Variants in AAGAB observed in about 807,000 individuals in gnomAD.
The protein encoded by AAGAB is alpha- and gamma-adaptin-binding protein p34.
In AAGAB, 38 loss-of-function variants were observed where a neutral mutation model predicts 44.1. That is an observed-to-expected ratio of 0.86 (90% CI 0.67 to 1.13). The LOEUF is 1.13. AAGAB is among the 50% of genes most tolerant of loss of function. The pLI, the probability that AAGAB is intolerant of heterozygous loss-of-function variation, is 0.00. For missense variants in AAGAB, 450 were observed against 373.8 expected, an observed-to-expected ratio of 1.20 and a Z score of -1.68; for synonymous variants, 131 against 131.8, an observed-to-expected ratio of 0.99 and a Z score of 0.04.
In AAGAB at chr15:67,236,718, T is replaced by C. The variant is rs148784657; in HGVS notation, c.176A>G (p.Asn59Ser). The change falls in exon 2 of 10, where the codon AAT (asparagine) becomes AGT (serine). Residue 59 changes from asparagine to serine, a missense_variant. Physicochemically the swap from Asn to Ser is conservative, Grantham distance 46. Transcript: ENST00000261880. ...IDNKYYSADI[N>S]LCVVPNKFLV... ...AAATTTGTTTGGCACCACACATAGA[T>C]TGATGTCTGCTGAATAGTATTTATT... 26 of 1,613,840 alleles carry C rather than the reference T, an allele frequency of 1.6e-5. No homozygotes were observed. Among genetic ancestry groups the C allele is most frequent in the East Asian group, 8.9e-5 (4 of 44,868 alleles).
chr15:67,241,569 C>G (rs1964600944), intron 1 of AAGAB, among the ~76,000 whole-genome samples: 1 of 152,044 alleles, frequency 6.6e-6, no homozygotes, highest in Non-Finnish European at 1.5e-5. Context: ...ATAGACAGCA[C>G]AGACCTGGGG....
At chr15:67,232,127 G>A (rs958139186) in intron 4 of AAGAB, among the ~76,000 whole-genome samples, 2 of 151,826 alleles carry the variant, frequency 1.3e-5, no homozygotes, top group Non-Finnish European at 2.9e-5. Flanking sequence ...GGTGGCGCAT[G>A]CATGTAATTC....
At chr15:67,236,276 T>C (rs1964461916) in intron 3 of AAGAB, 132 bp downstream of exon 3, 1 of 979,978 alleles carries the variant, frequency 1.0e-6, no homozygotes. Context: ...CAAAGAAAAA[T>C]AGCTGAAAAT....
In AAGAB at chr15:67,236,735, G is replaced by A. The variant is rs754075903; in HGVS notation, c.159C>T (p.Tyr53=). 15 of 1,613,188 alleles carry A rather than the reference G, an allele frequency of 9.3e-6. No individual in the cohort carries two copies. The highest frequency in any genetic ancestry group is 1.0e-5 in the Non-Finnish European group (12 of 1,179,286). ...CACATAGATTGATGTCTGCTGAATA[G>A]TATTTATTATCAATGGTCCAGGGAT... ...RFYPWTIDNK[Y]YSADINLCVV... The change falls in exon 2 of 10, where the codon TAC becomes TAT. Residue 53 remains tyrosine, a synonymous_variant. Transcript: ENST00000261880.
intron 5 of AAGAB, among the ~76,000 whole-genome samples, chr15:67,217,943 C>A (rs1353941236): frequency 6.6e-6 from 1 of 152,160 alleles, no homozygotes; most frequent in African/African-American, 2.4e-5. Context: ...AAGGGGGATA[C>A]ATGTTAATAA....
intron 1 of AAGAB, among the ~76,000 whole-genome samples, chr15:67,252,243 C>A (rs1596023533): frequency 6.6e-6 from 1 of 152,178 alleles, no homozygotes; most frequent in Non-Finnish European, 1.5e-5. Context: ...AACAGAGCAC[C>A]ATAGCATTTA....
chr15:67,225,523 C>T (rs1964183463), intron 5 of AAGAB, among the ~76,000 whole-genome samples: 1 of 152,206 alleles, frequency 6.6e-6, no homozygotes, highest in South Asian at 2.1e-4. Context: ...ACATTTTCAC[C>T]ACCCCAGAAA....
At chr15:67,230,332 T>C (rs979215899) in intron 5 of AAGAB, among the ~76,000 whole-genome samples, 1 of 152,210 alleles carries the variant, frequency 6.6e-6, no homozygotes, top group Non-Finnish European at 1.5e-5. Context: ...TCCAGTATCT[T>C]AGAATGTGAC....
intron 5 of AAGAB, chr15:67,226,848 A>C (rs1250306279): frequency 1.0e-5 from 2 of 195,276 alleles, no homozygotes; most frequent in Non-Finnish European, 2.2e-5. Context: ...CATCCAATTT[A>C]TCTGGGTGGA....
chr15:67,247,792 C>CT (rs1203706071), intron 1 of AAGAB, among the ~76,000 whole-genome samples: 2 of 152,208 alleles, frequency 1.3e-5, no homozygotes, highest in African/African-American at 4.8e-5. Flanking sequence ...ACTTATCACA[C>CT]TTTATCTACT....
chr15:67,247,283 G>T (rs1964750206), intron 1 of AAGAB, among the ~76,000 whole-genome samples: 2 of 152,208 alleles, frequency 1.3e-5, no homozygotes, highest in Admixed American at 1.3e-4. Flanking sequence ...ACCAATTCCA[G>T]ACACACCTTG....
At chr15:67,209,346 A>T (rs1567015323) in intron 6 of AAGAB, 116 bp downstream of exon 6, 3 of 920,240 alleles carry the variant, frequency 3.3e-6, no homozygotes, top group Non-Finnish European at 5.2e-6. Context: ...TCTATTTTTA[A>T]CATTCTCTGT....
At chr15:67,233,138 T>C (rs541125813) in intron 4 of AAGAB, among the ~76,000 whole-genome samples, 1 of 152,318 alleles carries the variant, frequency 6.6e-6, no homozygotes, top group Non-Finnish European at 1.5e-5. Context: ...TATAAAATCA[T>C]GTAAATGCTC....
At chr15:67,217,628 C>A (rs1963980705) in intron 5 of AAGAB, among the ~76,000 whole-genome samples, 1 of 152,164 alleles carries the variant, frequency 6.6e-6, no homozygotes, top group South Asian at 2.1e-4. Flanking sequence ...ACCTCCGCCT[C>A]CCGGGTTCAA....
intron 1 of AAGAB, among the ~76,000 whole-genome samples, chr15:67,249,287 G>A (rs1447834783): frequency 2.0e-5 from 3 of 152,054 alleles, no homozygotes; most frequent in South Asian, 2.1e-4. Context: ...AGCCCCCCTC[G>A]GACTCCCAAA....
intron 4 of AAGAB, 86 bp from the exon 5 acceptor site, chr15:67,231,983 G>A (rs904911618): frequency 1.8e-6 from 2 of 1,131,846 alleles, no homozygotes; most frequent in African/African-American, 3.1e-5. Context: ...GCCAGGCACG[G>A]TGGCTCATGC....
rs1963618441 is a variant in AAGAB, at chr15:67,203,608, AAT to A, written c.821-13_821-12del. 1.2e-6 allele frequency: 2 copies of A among 1,612,596 alleles called. No homozygotes were observed. Among genetic ancestry groups the A allele is most frequent in the African/African-American group, 2.7e-5 (2 of 75,024 alleles). The stretch of plus-strand genomic sequence containing the variant: ...GCGTCGCAGCCTTGTCTAGGGGGAA[AAT>A]ATATCTTAAGAAATTTGTCTAATAG... On this transcript the variant is annotated splice_polypyrimidine_tract_variant and intron_variant, in intron 8 of 9. Transcript: ENST00000261880.
intron 5 of AAGAB, among the ~76,000 whole-genome samples, chr15:67,210,128 T>C (rs960139534): frequency 6.6e-6 from 1 of 152,228 alleles, no homozygotes; most frequent in South Asian, 2.1e-4. Flanking sequence ...AATATTCCAT[T>C]GTTTTAAATA....
intron 1 of AAGAB, among the ~76,000 whole-genome samples, chr15:67,245,877 A>C (rs754218697): frequency 8.5e-5 from 13 of 152,200 alleles, no homozygotes; most frequent in Non-Finnish European, 1.6e-4. Flanking sequence ...AAATTCAGAC[A>C]GAACAGCCAC....
Sources: gnomAD v4.1 joint callset for allele counts (sites outside exome capture counted in the v4.1 genomes callset) on GRCh38, gnomAD v4.1.1 for gene constraint, MANE v1.5 for transcripts, NCBI Gene and HGNC (gene_info 2026-07-23, HGNC 2026-07-21) for gene names.